The following SQLE variants were observed in gnomAD, a reference collection of about 807,000 sequenced individuals.
SQLE encodes the protein squalene monooxygenase.
Under a neutral mutation model 60.7 loss-of-function variants are expected in SQLE, and 29 were observed. The ratio of observed to expected loss-of-function variants is 0.48; its 90% CI spans 0.36 to 0.65. The LOEUF is 0.65. Ranked by LOEUF, SQLE falls within the 30% of genes least tolerant of loss-of-function variation. SQLE has a pLI of 0.00. For missense variants in SQLE, 605 were observed against 684.1 expected (o/e 0.88, Z 1.29); for synonymous variants, 237 against 246.8 (o/e 0.96, Z 0.37).
chr8:125,020,717 CTGATA>C (rs984230325), intron 9 of SQLE, 62 bp from the exon 10 acceptor site: 1 of 956,972 alleles, frequency 1.0e-6, no homozygotes, highest in Admixed American at 2.1e-5. Context: ...CTCATTTTTT[CTGATA>C]TATCATTAGC....
chr8:124,999,730 A>C lies in SQLE; in HGVS notation c.291+36A>C, dbSNP rs1397015094. 2.6e-6 allele frequency: 4 copies of C among 1,534,136 alleles called. No individual in the cohort carries two copies. In the African/African-American group the frequency reaches 5.6e-5, roughly 21 times the overall value. On this transcript the variant is annotated intron_variant, in intron 1 of 10. Transcript: ENST00000265896. ...TTCAAAGCGGGCAGATGAATGTCTT[A>C]TTTAGGAGTAGGATTGGGTTCACTC... is the stretch of plus-strand genomic sequence containing the variant.
intron 2 of SQLE, among the ~76,000 whole-genome samples, chr8:125,004,619 C>T (rs1376683089): frequency 2.6e-5 from 4 of 151,782 alleles, no homozygotes; most frequent in Non-Finnish European, 4.4e-5. Context: ...TTCTATATTG[C>T]TTTATATGAA....
intron 7 of SQLE, among the ~76,000 whole-genome samples, chr8:125,017,294 CTAT>C (rs1815124612): frequency 6.6e-6 from 1 of 151,932 alleles, no homozygotes; most frequent in Non-Finnish European, 1.5e-5. Flanking sequence ...ACTTGGTGCT[CTAT>C]TCTACTGCAG....
In SQLE at chr8:124,999,294, C is replaced by T; in HGVS notation, c.-110C>T. ...GTCCTGGGACACTGTTTACTGGAGT[C>T]TGGCCGGCTCTCCGTGCTCCTCTTG... On this transcript the variant is annotated 5_prime_UTR_variant, in exon 1 of 11. Coordinates refer to ENST00000265896, the MANE Select transcript of SQLE (RefSeq NM_003129.4). 19 of 1,096,864 alleles carry T rather than the reference C, an allele frequency of 1.7e-5. No homozygotes were observed. The highest frequency in any genetic ancestry group is 2.6e-5 in the South Asian group (1 of 38,132). The allele number at this position is 1,096,864 out of a possible 1,614,324, so 67.9% of individuals were successfully genotyped here. A position where few individuals can be genotyped will look rare whatever the true frequency, so the allele number is the denominator to read the frequency against.
At chr8:125,010,843 C>T (rs1032880465) in intron 6 of SQLE, 4 of 150,812 alleles carry the variant, frequency 2.7e-5, no homozygotes, top group Admixed American at 2.6e-4. Context: ...TGGAGAGAAA[C>T]CATTGGTAGG....
intron 2 of SQLE, 77 bp downstream of exon 2, chr8:125,003,505 A>G: frequency 6.8e-7 from 1 of 1,470,882 alleles, no homozygotes; most frequent in Non-Finnish European, 9.1e-7. Context: ...TATGACCAGT[A>G]AGAAGGTATT....
At chr8:125,015,243 G>T (rs998757815) in intron 7 of SQLE, among the ~76,000 whole-genome samples, 1 of 152,028 alleles carries the variant, frequency 6.6e-6, no homozygotes, top group Non-Finnish European at 1.5e-5. Context: ...CATTTGCATG[G>T]AATATCTTTT....
At chr8:125,021,725 T>TA (rs1815208609) in intron 10 of SQLE, 28 bp from the exon 11 acceptor site, 4 of 1,518,890 alleles carry the variant, frequency 2.6e-6, no homozygotes, top group Non-Finnish European at 2.7e-6. Context: ...TTCTGAGTCT[T>TA]ACCAATATGT....
At chr8:125,007,273 G>T (rs4870932) in intron 3 of SQLE, 118 bp from the exon 4 acceptor site, 3 of 551,974 alleles carry the variant, frequency 5.4e-6, no homozygotes, top group Non-Finnish European at 8.9e-6. Context: ...CATTGGACAC[G>T]TGTTTGCACA....
In SQLE at chr8:124,998,913, C is replaced by G. The variant is rs1407318160; in HGVS notation, c.-491C>G. ...GCCCCCGTGCCTTCCGGCCGCTGCTCGCCGTCGCCAGAGGCTAGGCCACGT... is the reference window on the plus strand; with the variant it reads ...GCCCCCGTGCCTTCCGGCCGCTGCTGGCCGTCGCCAGAGGCTAGGCCACGT... On this transcript the variant is annotated 5_prime_UTR_variant, in exon 1 of 11. Transcript: ENST00000265896. The G allele has an allele frequency of 2.8e-6, 1 of 361,480 alleles. No homozygotes were observed. The highest frequency in any genetic ancestry group is 4.9e-6 in the Non-Finnish European group (1 of 202,340). The allele number at this position is 361,480 out of a possible 1,614,324, so 22.4% of individuals were successfully genotyped here.
intron 1 of SQLE, among the ~76,000 whole-genome samples, chr8:125,001,759 G>C (rs2129870319): frequency 6.6e-6 from 1 of 151,088 alleles, no homozygotes; most frequent in Admixed American, 6.6e-5. Flanking sequence ...ACAGAGTAAA[G>C]TTCTAAAGGA....
chr8:125,012,993 T>G (rs1400749973), intron 7 of SQLE, among the ~76,000 whole-genome samples: 1 of 152,252 alleles, frequency 6.6e-6, no homozygotes, highest in Non-Finnish European at 1.5e-5. Flanking sequence ...GATTTGCATT[T>G]CTCTCATAGA....
In SQLE at chr8:124,999,450, A is replaced by T. The variant is rs1172796393; in HGVS notation, c.47A>T (p.Lys16Met). The change falls in exon 1 of 11, where the codon AAG becomes ATG. Residue 16 changes from lysine (K) to methionine (M), a missense_variant. By Grantham distance (95) the Lys-to-Met change is moderately conservative. Transcript: ENST00000265896. Reference sequence around the variant, plus strand: ...GCCACTTTCACCTATTTTTATAAGAAGTTCGGGGACTTCATCACTTTGGCC... The same window carrying T: ...GCCACTTTCACCTATTTTTATAAGATGTTCGGGGACTTCATCACTTTGGCC... ...GIATFTYFYK[K>M]FGDFITLANR... 7 of 1,534,938 alleles carry T rather than the reference A, an allele frequency of 4.6e-6. No individual in the cohort carries two copies. The East Asian group carries it at 1.6e-4, about 36-fold the overall frequency.
intron 3 of SQLE, among the ~76,000 whole-genome samples, chr8:125,006,435 A>G (rs1028350950): frequency 6.6e-6 from 1 of 151,918 alleles, no homozygotes. Context: ...CCTGGCCAAT[A>G]TGGTGAAACC....
chr8:125,013,544 G>T (rs1020667652), intron 7 of SQLE, among the ~76,000 whole-genome samples: 1 of 151,796 alleles, frequency 6.6e-6, no homozygotes, highest in Non-Finnish European at 1.5e-5. Context: ...GTAGAGACGG[G>T]GTTTCGCCAT....
chr8:125,008,080 ATTTTATTTTATTTTG>A (rs1321546755), intron 4 of SQLE, among the ~76,000 whole-genome samples: 1 of 152,076 alleles, frequency 6.6e-6, no homozygotes, highest in Non-Finnish European at 1.5e-5. Context: ...CTTTTATTTT[ATTTTATTTTATTTTG>A]TTTTATTTTT....
chr8:125,010,401 T>A (rs1004345977), intron 6 of SQLE, among the ~76,000 whole-genome samples: 4 of 152,136 alleles, frequency 2.6e-5, no homozygotes, highest in Non-Finnish European at 5.9e-5. Flanking sequence ...GTAAAAAAAA[T>A]TTAAGAATTT....
In SQLE at chr8:124,998,745, G is replaced by A. The variant is rs146185185; in HGVS notation, c.-659G>A. ...GAGGCCTCTAAATCTTTAGGTTGGGGCTGCATTGCCCTGGAGCCGCACTCT... is the reference window on the plus strand; with the variant it reads ...GAGGCCTCTAAATCTTTAGGTTGGGACTGCATTGCCCTGGAGCCGCACTCT... On this transcript the variant is annotated 5_prime_UTR_variant, in exon 1 of 11. Coordinates refer to ENST00000265896, the MANE Select transcript of SQLE (RefSeq NM_003129.4). 98 of 554,666 alleles carry A rather than the reference G, an allele frequency of 1.8e-4. No individual in the cohort carries two copies. The African/African-American group carries it at 1.8e-3, about 10-fold the overall frequency. The allele number at this position is 554,666 out of a possible 1,614,324, so 34.4% of individuals were successfully genotyped here. A position where few individuals can be genotyped will look rare whatever the true frequency, so the allele number is the denominator to read the frequency against.
intron 7 of SQLE, 127 bp from the exon 8 acceptor site, chr8:125,017,929 TTTG>T (rs1815135536): frequency 8.9e-7 from 1 of 1,128,372 alleles, no homozygotes; most frequent in Non-Finnish European, 1.2e-6. Flanking sequence ...TTAATCATGA[TTTG>T]TTTTCATGTA....
Sources: allele counts gnomAD v4.1 joint callset (sites outside exome capture counted in the v4.1 genomes callset), GRCh38; gene constraint gnomAD v4.1.1; transcripts MANE v1.5; gene names NCBI Gene and HGNC (gene_info 2026-07-23, HGNC 2026-07-21).